The following ESRRG variants were observed in gnomAD, a reference collection of about 807,000 sequenced individuals.
ESRRG encodes the protein estrogen-related receptor gamma.
Under a neutral mutation model 44.0 loss-of-function variants are expected in ESRRG, and 13 were observed. That is an observed-to-expected ratio of 0.30 (90% CI 0.19 to 0.47). ESRRG has a LOEUF of 0.47. Among genes scored for constraint, ESRRG ranks in the 20% least tolerant of loss-of-function variants. The pLI is 1.00. For missense variants in ESRRG, 395 were observed against 580.6 expected (o/e 0.68, Z 3.29); for synonymous variants, 215 against 214.6 (o/e 1.00, Z -0.02).
At chr1:216,788,644 C>A (rs188817584) in intron 2 of ESRRG, among the ~76,000 whole-genome samples, 64 of 152,254 alleles carry the variant, frequency 4.2e-4, no homozygotes, top group Admixed American at 5.9e-4. Context: ...TTTCAACTTT[C>A]AGGTCATTAT....
At chr1:216,734,838 T>C (rs902255506) in intron 2 of ESRRG, among the ~76,000 whole-genome samples, 4 of 152,052 alleles carry the variant, frequency 2.6e-5, no homozygotes, top group African/African-American at 9.7e-5. Context: ...TTTTGACTTA[T>C]GAATTTCCCC....
Position 216,568,120 on chromosome 1 carries a change from G to A in ESRRG, c.590-22C>T, listed in dbSNP as rs375661099. 103 of 1,523,882 alleles carry A rather than the reference G, an allele frequency of 6.8e-5. No individual in the cohort carries two copies. The African/African-American group carries it at 9.6e-4, about 14-fold the overall frequency. The allele number at this position is 1,523,882 out of a possible 1,614,324, so 94.4% of individuals were successfully genotyped here. ...ACCCCTGTGAGCAAAGACAGGCACC[G>A]GCTTACTATTAAGGTAGCTATGTTT... On this transcript the variant is annotated intron_variant, in intron 3 of 6. Coordinates refer to ENST00000408911, the MANE Select transcript of ESRRG (RefSeq NM_001438.4).
intron 5 of ESRRG, among the ~76,000 whole-genome samples, chr1:216,555,677 A>G (rs1236637814): frequency 6.6e-6 from 1 of 152,172 alleles, no homozygotes; most frequent in Non-Finnish European, 1.5e-5. Flanking sequence ...CACAATTTAT[A>G]TCTCTTTCCT....
At chr1:216,647,905 C>T (rs2067991500) in intron 3 of ESRRG, among the ~76,000 whole-genome samples, 1 of 152,126 alleles carries the variant, frequency 6.6e-6, no homozygotes. Context: ...ATTTCAGATT[C>T]TAGAACTAAT....
intron 3 of ESRRG, among the ~76,000 whole-genome samples, chr1:216,631,621 G>C (rs1208961938): frequency 3.3e-5 from 5 of 151,788 alleles, no homozygotes; most frequent in Non-Finnish European, 1.5e-5. Context: ...ACCTAATTTA[G>C]GTCTTTCCTC....
At chr1:217,029,069 A>C (rs542228004) in intron 1 of ESRRG, among the ~76,000 whole-genome samples, 1 of 152,142 alleles carries the variant, frequency 6.6e-6, no homozygotes, top group South Asian at 2.1e-4. Context: ...TAAAAAAAAA[A>C]AAGAAGAAAT....
intron 2 of ESRRG, among the ~76,000 whole-genome samples, chr1:216,806,139 T>A (rs1391597775): frequency 6.6e-6 from 1 of 152,232 alleles, no homozygotes; most frequent in East Asian, 1.9e-4. Flanking sequence ...TGCAAGCAAG[T>A]GGAACCATCA....
intron 1 of ESRRG, among the ~76,000 whole-genome samples, chr1:217,121,353 T>C (rs1462793677): frequency 6.6e-6 from 1 of 152,092 alleles, no homozygotes; most frequent in African/African-American, 2.4e-5. Flanking sequence ...ACTTTTGCCA[T>C]GGGAAATCAC....
At chr1:216,648,430 A>G (rs983723482) in intron 3 of ESRRG, among the ~76,000 whole-genome samples, 3 of 152,130 alleles carry the variant, frequency 2.0e-5, no homozygotes, top group African/African-American at 4.8e-5. Flanking sequence ...GCAATTCCCT[A>G]GAAAACAGAT....
At chr1:216,657,947 G>A (rs893206076) in intron 2 of ESRRG, among the ~76,000 whole-genome samples, 1 of 152,126 alleles carries the variant, frequency 6.6e-6, no homozygotes, top group Admixed American at 6.5e-5. Flanking sequence ...ACAGCATAGC[G>A]GTGCAAATTG....
At chr1:216,912,466 T>C (rs1560085912) in intron 2 of ESRRG, among the ~76,000 whole-genome samples, 1 of 152,132 alleles carries the variant, frequency 6.6e-6, no homozygotes. Flanking sequence ...CTGTGTAATG[T>C]CAAAGCCTAT....
chr1:217,084,867 C>T (rs2091984511), intron 1 of ESRRG, among the ~76,000 whole-genome samples: 1 of 152,022 alleles, frequency 6.6e-6, no homozygotes, highest in Non-Finnish European at 1.5e-5. Context: ...ATGATCATTA[C>T]CTTGTTTAAA....
At chr1:216,665,760 T>TAAAAGCTA (rs2151305823) in intron 2 of ESRRG, among the ~76,000 whole-genome samples, 1 of 152,286 alleles carries the variant, frequency 6.6e-6, no homozygotes, top group South Asian at 2.1e-4. Context: ...CTTTTAAGTA[T>TAAAAGCTA]AAAAGCTAAA....
At chr1:217,099,997 A>C (rs949594654) in intron 1 of ESRRG, among the ~76,000 whole-genome samples, 114 of 151,038 alleles carry the variant, frequency 7.5e-4, no homozygotes, top group African/African-American at 2.7e-3. Context: ...AAAAAAAAAA[A>C]ACGCATTTGT....
intron 1 of ESRRG, among the ~76,000 whole-genome samples, chr1:216,697,762 A>T (rs2080474434): frequency 6.6e-6 from 1 of 152,228 alleles, no homozygotes; most frequent in Non-Finnish European, 1.5e-5. Flanking sequence ...TCAGGGGAAA[A>T]TGTGGAGACA....
intron 2 of ESRRG, among the ~76,000 whole-genome samples, chr1:216,808,512 A>C (rs1234824460): frequency 6.6e-6 from 1 of 152,092 alleles, no homozygotes; most frequent in African/African-American, 2.4e-5. Flanking sequence ...CAGCAGTCTC[A>C]ACCTCCCAGG....
chr1:216,980,989 G>A (rs890453856), intron 1 of ESRRG, among the ~76,000 whole-genome samples: 5 of 152,090 alleles, frequency 3.3e-5, no homozygotes, highest in African/African-American at 4.8e-5. Context: ...CAGCTCAAAT[G>A]TTACCTATTT....
At chr1:217,040,734 C>A (rs2083709110) in intron 1 of ESRRG, among the ~76,000 whole-genome samples, 2 of 152,082 alleles carry the variant, frequency 1.3e-5, no homozygotes, top group South Asian at 4.2e-4. Context: ...AGTAATTTGC[C>A]CAATAACACA....
At chr1:217,045,505 C>T (rs549749268) in intron 1 of ESRRG, among the ~76,000 whole-genome samples, 3 of 152,326 alleles carry the variant, frequency 2.0e-5, no homozygotes, top group African/African-American at 7.2e-5. Context: ...ATTAACTACC[C>T]TTGGGACCTC....
Sources: gnomAD v4.1 joint callset for allele counts (sites outside exome capture counted in the v4.1 genomes callset) on GRCh38, gnomAD v4.1.1 for gene constraint, MANE v1.5 for transcripts, NCBI Gene and HGNC (gene_info 2026-07-23, HGNC 2026-07-21) for gene names.